The following PTPRM variants were observed in gnomAD, a reference collection of about 807,000 sequenced individuals.
PTPRM encodes receptor-type tyrosine-protein phosphatase mu.
PTPRM carries 47 observed loss-of-function variants against 186.7 expected under a neutral mutation model. That is an observed-to-expected ratio of 0.25 (90% CI 0.20 to 0.32). The LOEUF is 0.32. Ranked by LOEUF, PTPRM falls within the 10% of genes least tolerant of loss-of-function variation. The pLI is 1.00. For missense variants in PTPRM, 1,494 were observed against 1,865.0 expected, an observed-to-expected ratio of 0.80 and a Z score of 3.66; for synonymous variants, 668 against 674.9, an observed-to-expected ratio of 0.99 and a Z score of 0.16.
At chr18:7,649,788 A>G (rs2038652620) in intron 1 of PTPRM, among the ~76,000 whole-genome samples, 1 of 151,988 alleles carries the variant, frequency 6.6e-6, no homozygotes, top group Admixed American at 6.6e-5. Context: ...AGCCACTCCA[A>G]CCTTCAGCAG....
intron 11 of PTPRM, among the ~76,000 whole-genome samples, chr18:8,102,437 A>G (rs1390862783): frequency 4.6e-5 from 7 of 152,254 alleles, no homozygotes; most frequent in Admixed American, 3.3e-4. Context: ...CTATGTTAAT[A>G]TAATATTCTA....
intron 21 of PTPRM, 51 bp downstream of exon 21, chr18:8,314,908 G>A: frequency 1.6e-6 from 2 of 1,249,270 alleles, no homozygotes; most frequent in Non-Finnish European, 1.1e-6. Flanking sequence ...ACATATTTGG[G>A]TGCTATGTAT....
intron 14 of PTPRM, among the ~76,000 whole-genome samples, chr18:8,145,493 C>G (rs2092861402): frequency 6.6e-6 from 1 of 152,178 alleles, no homozygotes; most frequent in African/African-American, 2.4e-5. Flanking sequence ...CCCTGACAGG[C>G]CCCAGGGTGT....
intron 14 of PTPRM, among the ~76,000 whole-genome samples, chr18:8,211,473 G>A (rs554442367): frequency 2.1e-5 from 3 of 144,958 alleles, no homozygotes; most frequent in Admixed American, 7.1e-5. Flanking sequence ...GTGTGATCTC[G>A]GCTCACTGCA....
At chr18:8,353,387 GA>G (rs1171227336) in intron 23 of PTPRM, among the ~76,000 whole-genome samples, 1 of 152,178 alleles carries the variant, frequency 6.6e-6, no homozygotes, top group Non-Finnish European at 1.5e-5. Flanking sequence ...TGACCATTAA[GA>G]AAAGGCTGAG....
rs1568675448 is a variant in PTPRM, at chr18:8,289,581, T to TATATATACACATATATATATATAC, written c.2755-6766_2755-6765insTACATATATACACATATATATATA. 3.6e-5 allele frequency among the ~76,000 whole-genome samples: 4 copies of TATATATACACATATATATATATAC among 111,116 alleles called. 1 individual carries two copies. The highest frequency in any genetic ancestry group is 7.4e-5 in the Non-Finnish European group (4 of 54,116). The allele number at this position is 111,116 out of a possible 152,430, so 72.9% of individuals were successfully genotyped here. On this transcript the variant is annotated intron_variant, in intron 19 of 32. Coordinates refer to ENST00000580170, the MANE Select transcript of PTPRM (RefSeq NM_001105244.2). ...ATATACACATATATATATATACATA[T>TATATATACACATATATATATATAC]ATATATACACATATATATATACACA...
At chr18:8,215,539 T>G (rs1161930689) in intron 14 of PTPRM, among the ~76,000 whole-genome samples, 1 of 133,250 alleles carries the variant, frequency 7.5e-6, no homozygotes, top group African/African-American at 2.7e-5. Context: ...TTTCTTTCTT[T>G]CTTTTCTTTT....
chr18:7,673,202 C>T (rs969721116), intron 1 of PTPRM, among the ~76,000 whole-genome samples: 1 of 152,160 alleles, frequency 6.6e-6, no homozygotes, highest in Non-Finnish European at 1.5e-5. Context: ...AGCATGAATG[C>T]CTTCTAGTTC....
intron 7 of PTPRM, among the ~76,000 whole-genome samples, chr18:8,021,317 GACACACACACACACAC>G (rs35335855): frequency 2.2e-3 from 320 of 142,988 alleles, no homozygotes; most frequent in Middle Eastern, 3.5e-3. Flanking sequence ...GCATAAAAGA[GACACACACACACACAC>G]ACACACACAC....
intron 7 of PTPRM, among the ~76,000 whole-genome samples, chr18:8,025,470 T>C (rs1228797266): frequency 3.3e-5 from 5 of 152,214 alleles, no homozygotes; most frequent in Admixed American, 2.6e-4. Flanking sequence ...CAGGAGAAGT[T>C]TCTTCTTTGT....
At chr18:8,375,941 A>T in intron 24 of PTPRM, 105 bp from the exon 25 acceptor site, 2 of 1,270,038 alleles carry the variant, frequency 1.6e-6, no homozygotes, top group Non-Finnish European at 2.2e-6. Context: ...TCCTGGCCCT[A>T]GACTTGCTAC....
intron 14 of PTPRM, among the ~76,000 whole-genome samples, chr18:8,208,161 G>T (rs576167238): frequency 6.6e-6 from 1 of 152,162 alleles, no homozygotes; most frequent in Non-Finnish European, 1.5e-5. Flanking sequence ...GGCCTGATGC[G>T]TGCTCTCCTG....
intron 23 of PTPRM, among the ~76,000 whole-genome samples, chr18:8,369,975 A>G (rs1269543603): frequency 6.6e-5 from 10 of 152,126 alleles, no homozygotes; most frequent in Admixed American, 5.9e-4. Context: ...AACAAAAACA[A>G]ATAAAAAACA....
intron 7 of PTPRM, among the ~76,000 whole-genome samples, chr18:8,048,398 T>TACC: frequency 6.6e-6 from 1 of 152,014 alleles, no homozygotes; most frequent in African/African-American, 2.4e-5. Flanking sequence ...TTCCATAGCA[T>TACC]ACCTCCTCCT....
At chr18:8,107,324 C>G (rs1002717743) in intron 11 of PTPRM, among the ~76,000 whole-genome samples, 1 of 152,172 alleles carries the variant, frequency 6.6e-6, no homozygotes, top group Non-Finnish European at 1.5e-5. Context: ...TGGCCTTTTA[C>G]AGAGCTTCTC....
intron 1 of PTPRM, among the ~76,000 whole-genome samples, chr18:7,769,409 G>A (rs1276169805): frequency 6.6e-6 from 1 of 152,114 alleles, no homozygotes; most frequent in Non-Finnish European, 1.5e-5. Flanking sequence ...GATTAAACAA[G>A]TCCTGGGTAA....
chr18:7,787,234 C>T (rs1417922877), intron 2 of PTPRM, among the ~76,000 whole-genome samples: 3 of 152,062 alleles, frequency 2.0e-5, no homozygotes, highest in Non-Finnish European at 4.4e-5. Flanking sequence ...AGTATCTCTC[C>T]CCATGTTGCC....
At chr18:8,007,105 T>C (rs753436531) in intron 7 of PTPRM, among the ~76,000 whole-genome samples, 3 of 152,218 alleles carry the variant, frequency 2.0e-5, no homozygotes. Flanking sequence ...TCTCACTTGC[T>C]GATTCTGAAT....
At position 8,143,792 on chromosome 18, in the gene PTPRM, C is replaced by G; in HGVS notation, c.2300+13C>G. 1 of 1,613,608 alleles carries G rather than the reference C, an allele frequency of 6.2e-7. No individual in the cohort carries two copies. Among genetic ancestry groups the G allele is most frequent in the Non-Finnish European group, 8.5e-7 (1 of 1,179,524 alleles). On this transcript the variant is annotated intron_variant, in intron 14 of 32. Coordinates refer to ENST00000580170, the MANE Select transcript of PTPRM (RefSeq NM_001105244.2). ...TAATGAAGAAAAGGTGAGCTCCTAG[C>G]TGTTGCCAAAGATACAGTTATATCC...
Sources: allele counts gnomAD v4.1 joint callset (sites outside exome capture counted in the v4.1 genomes callset), GRCh38; gene constraint gnomAD v4.1.1; transcripts MANE v1.5; gene names NCBI Gene and HGNC (gene_info 2026-07-23, HGNC 2026-07-21).